MAPK8: variants seen among roughly 807,000 people sequenced by gnomAD.
MAPK8 encodes mitogen-activated protein kinase 8, also known as JUN N-terminal kinase.
A neutral mutation model predicts 52.9 loss-of-function variants in MAPK8; 13 were observed. The ratio of observed to expected loss-of-function variants is 0.25; its 90% CI spans 0.16 to 0.39. The LOEUF (loss-of-function observed/expected upper bound fraction) is 0.39, where lower values mean the gene tolerates loss of function less well. MAPK8 is among the 10% of genes least tolerant of loss of function. MAPK8 has a pLI of 1.00. For missense variants in MAPK8, 300 were observed against 519.2 expected (o/e 0.58, Z 4.10); for synonymous variants, 191 against 169.8 (o/e 1.12, Z -0.97).
At chr10:48,394,847 A>G (rs778588486) in intron 1 of MAPK8, among the ~76,000 whole-genome samples, 3 of 149,834 alleles carry the variant, frequency 2.0e-5, no homozygotes, top group South Asian at 4.1e-4. Flanking sequence ...AAGTGAGTCT[A>G]TTACAAAATC....
chr10:48,363,191 G>A (rs543838477), intron 1 of MAPK8, among the ~76,000 whole-genome samples: 1 of 152,304 alleles, frequency 6.6e-6, no homozygotes, highest in Non-Finnish European at 1.5e-5. Context: ...AAAATTTTAA[G>A]GTCATTTTGC....
intron 11 of MAPK8, among the ~76,000 whole-genome samples, chr10:48,433,572 C>T (rs1231384240): frequency 1.3e-5 from 2 of 152,286 alleles, no homozygotes; most frequent in African/African-American, 2.4e-5. Flanking sequence ...CTGAAATGCT[C>T]ATCCTGCTTT....
chr10:48,380,753 T>A (rs2040953024), intron 1 of MAPK8, among the ~76,000 whole-genome samples: 1 of 152,004 alleles, frequency 6.6e-6, no homozygotes, highest in African/African-American at 2.4e-5. Context: ...AATAAATAAA[T>A]GTAAATTAAA....
chr10:48,409,944 GTAA>G lies in MAPK8; in HGVS notation c.311+12_311+14del. ...TAGAAGAATTTCAAGATGTGTAAGT[GTAA>G]TAATTAAAATTTTGTTAAGTTAGTA... On this transcript the variant is annotated splice_region_variant and intron_variant, in intron 4 of 11. Coordinates refer to ENST00000374189, the MANE Select transcript of MAPK8 (RefSeq NM_001323329.2). 6.2e-7 allele frequency: 1 copy of G among 1,610,408 alleles called. No homozygotes were observed. Among genetic ancestry groups the G allele is most frequent in the Non-Finnish European group, 8.5e-7 (1 of 1,177,476 alleles).
At position 48,419,393 on chromosome 10, in the gene MAPK8, A is replaced by G. The variant is rs1485192375; in HGVS notation, c.451-762A>G. Among the ~76,000 whole-genome samples, 4 of 152,226 alleles carry G rather than the reference A, an allele frequency of 2.6e-5. No homozygotes were observed. In the East Asian group the frequency reaches 7.7e-4, roughly 29 times the overall value. On this transcript the variant is annotated intron_variant, in intron 5 of 11. Transcript: ENST00000374189. ...ATAGTATTCATCAAAGCTAACAGGC[A>G]AAGTATGTTAAACATGAAGCCATGA...
At chr10:48,405,895 A>G (rs1489857224) in intron 3 of MAPK8, among the ~76,000 whole-genome samples, 1 of 152,126 alleles carries the variant, frequency 6.6e-6, no homozygotes, top group African/African-American at 2.4e-5. Flanking sequence ...ATCAAGGGAA[A>G]AAAAAATCAT....
chr10:48,393,146 A>G (rs1389082277), intron 1 of MAPK8, among the ~76,000 whole-genome samples: 1 of 151,876 alleles, frequency 6.6e-6, no homozygotes, highest in African/African-American at 2.4e-5. Flanking sequence ...CTTAACGACT[A>G]CTCTTGAATA....
intron 7 of MAPK8, chr10:48,425,116 A>G (rs2043596996): frequency 2.8e-6 from 2 of 712,626 alleles, no homozygotes; most frequent in East Asian, 2.7e-5. Context: ...ACTACTTTTA[A>G]TATTTATATT....
chr10:48,392,618 T>C (rs541859970), intron 1 of MAPK8, among the ~76,000 whole-genome samples: 1 of 152,100 alleles, frequency 6.6e-6, no homozygotes, highest in South Asian at 2.1e-4. Context: ...TTGGAAATAA[T>C]ATGCTATCTG....
At chr10:48,394,822 CCTA>C (rs1463227376) in intron 1 of MAPK8, among the ~76,000 whole-genome samples, 3 of 151,602 alleles carry the variant, frequency 2.0e-5, no homozygotes, top group African/African-American at 7.3e-5. Context: ...ACAAAAAAAG[CCTA>C]CTAAGATGAA....
Position 48,310,729 on chromosome 10 carries a change from T to TTGTG in MAPK8, c.-50+3930_-50+3933dup, listed in dbSNP as rs111302388. Among the ~76,000 whole-genome samples the TTGTG allele has an allele frequency of 9.2e-3, 1,365 of 149,126 alleles. 38 individuals are homozygous for TTGTG. In the East Asian group the frequency reaches 0.11, roughly 12 times the overall value. On this transcript the variant is annotated intron_variant, in intron 1 of 11. Transcript: ENST00000374189. ...TTTCACTGAAATCCAGTTTTTAAAA[T>TTGTG]TGTGTGTGTGTGTGTGTGTGTGTGT...
intron 10 of MAPK8, chr10:48,430,498 C>T (rs911398789): frequency 1.3e-5 from 2 of 152,366 alleles, no homozygotes; most frequent in Non-Finnish European, 2.9e-5. Context: ...ACAGGAGGCG[C>T]ATATATTAAT....
chr10:48,384,183 CAG>C (rs1343601748), intron 1 of MAPK8, among the ~76,000 whole-genome samples: 2 of 152,098 alleles, frequency 1.3e-5, no homozygotes, highest in African/African-American at 2.4e-5. Flanking sequence ...GCCGGAGAGT[CAG>C]AGGTTGCAGT....
At chr10:48,415,404 A>G (rs542797707) in intron 5 of MAPK8, among the ~76,000 whole-genome samples, 47 of 152,356 alleles carry the variant, frequency 3.1e-4, no homozygotes, top group Admixed American at 7.2e-4. Context: ...TAGAAGATAG[A>G]AAACAATGGA....
intron 5 of MAPK8, among the ~76,000 whole-genome samples, chr10:48,413,847 AT>A (rs1176235613): frequency 2.4e-5 from 3 of 126,148 alleles, no homozygotes; most frequent in South Asian, 2.4e-4. Flanking sequence ...ATATATATAT[AT>A]ATATATATAT....
chr10:48,394,708 T>A (rs1450606246), intron 1 of MAPK8, among the ~76,000 whole-genome samples: 2 of 151,842 alleles, frequency 1.3e-5, no homozygotes, highest in African/African-American at 4.8e-5. Context: ...TTCGGCATTG[T>A]ATGGAAATTA....
chr10:48,405,140 T>G (rs2133028457), intron 3 of MAPK8, among the ~76,000 whole-genome samples, 159 bp downstream of exon 3: 1 of 149,230 alleles, frequency 6.7e-6, no homozygotes, highest in South Asian at 2.1e-4. Context: ...TACAGGGTGA[T>G]TTTCCTCAAC....
At chr10:48,359,503 G>A (rs1353684055) in intron 1 of MAPK8, among the ~76,000 whole-genome samples, 2 of 152,074 alleles carry the variant, frequency 1.3e-5, no homozygotes, top group Non-Finnish European at 2.9e-5. Flanking sequence ...TGGGGGGCTA[G>A]CCCTATCAGA....
At chr10:48,361,793 A>T (rs920053089) in intron 1 of MAPK8, among the ~76,000 whole-genome samples, 2 of 152,100 alleles carry the variant, frequency 1.3e-5, no homozygotes, top group African/African-American at 4.8e-5. Context: ...CTTAGTCTGC[A>T]TCTTTCTTCT....
Sources: gnomAD v4.1 joint callset for allele counts (sites outside exome capture counted in the v4.1 genomes callset) on GRCh38, gnomAD v4.1.1 for gene constraint, MANE v1.5 for transcripts, NCBI Gene and HGNC (gene_info 2026-07-23, HGNC 2026-07-21) for gene names.